Variants in PRKN observed in about 807,000 individuals in gnomAD.
PRKN encodes the protein E3 ubiquitin-protein ligase parkin.
A neutral mutation model predicts 59.5 loss-of-function variants in PRKN; 56 were observed. The ratio of observed to expected loss-of-function variants is 0.94; its 90% CI spans 0.76 to 1.18. PRKN has a LOEUF of 1.18. PRKN is among the 50% of genes most tolerant of loss of function. PRKN has a pLI of 0.00. For missense variants in PRKN, 657 were observed against 596.4 expected (o/e 1.10, Z -1.06); for synonymous variants, 250 against 222.1 (o/e 1.13, Z -1.12).
chr6:161,786,313 T>C (rs1790417998), intron 6 of PRKN, among the ~76,000 whole-genome samples: 1 of 152,170 alleles, frequency 6.6e-6, no homozygotes, highest in Admixed American at 6.5e-5. Context: ...TCATAGACTG[T>C]GATCTCCTGG....
intron 6 of PRKN, among the ~76,000 whole-genome samples, chr6:161,919,419 T>C (rs1462073335): frequency 6.6e-6 from 1 of 152,178 alleles, no homozygotes; most frequent in Non-Finnish European, 1.5e-5. Flanking sequence ...TGAAACTGGA[T>C]TGTGATAACT....
chr6:162,438,496 T>C (rs1337727822), intron 2 of PRKN, among the ~76,000 whole-genome samples: 3 of 127,782 alleles, frequency 2.3e-5, no homozygotes, highest in Middle Eastern at 3.7e-3. Context: ...TTAGTTTTTC[T>C]TTATCTAAAA....
At chr6:162,511,352 T>C (rs1284097549) in intron 1 of PRKN, among the ~76,000 whole-genome samples, 2 of 152,142 alleles carry the variant, frequency 1.3e-5, no homozygotes, top group East Asian at 3.9e-4. Context: ...GATGTACATG[T>C]ACCATATTGC....
intron 9 of PRKN, among the ~76,000 whole-genome samples, chr6:161,539,523 A>T (rs1779542822): frequency 6.7e-6 from 1 of 149,528 alleles, no homozygotes; most frequent in African/African-American, 2.5e-5. Context: ...ACCTCAAAGA[A>T]ACACTTTGCC....
chr6:162,431,244 G>A (rs778468177), intron 2 of PRKN, among the ~76,000 whole-genome samples: 2 of 120,302 alleles, frequency 1.7e-5, no homozygotes, highest in Non-Finnish European at 3.4e-5. Flanking sequence ...TGAGCCTTGT[G>A]GTGAATGGAT....
chr6:161,615,719 A>G (rs1009869984), intron 7 of PRKN, among the ~76,000 whole-genome samples: 2 of 152,218 alleles, frequency 1.3e-5, no homozygotes, highest in Non-Finnish European at 2.9e-5. Flanking sequence ...CAGAATCTGC[A>G]GTGAGTTCCT....
At chr6:161,805,827 C>T (rs968599840) in intron 6 of PRKN, among the ~76,000 whole-genome samples, 3 of 152,120 alleles carry the variant, frequency 2.0e-5, no homozygotes, top group Non-Finnish European at 2.9e-5. Flanking sequence ...ATCTCAGCTC[C>T]ACCTTGAATA....
At chr6:162,566,107 A>G (rs1224221908) in intron 1 of PRKN, among the ~76,000 whole-genome samples, 1 of 152,148 alleles carries the variant, frequency 6.6e-6, no homozygotes, top group East Asian at 1.9e-4. Flanking sequence ...TATTAGAGCC[A>G]AAGAGAGAGA....
intron 1 of PRKN, among the ~76,000 whole-genome samples, chr6:162,695,882 G>A (rs1343719076): frequency 3.3e-5 from 5 of 152,146 alleles, no homozygotes; most frequent in South Asian, 2.1e-4. Context: ...TTTGGAGTCC[G>A]AGAAGCTAGA....
intron 2 of PRKN, among the ~76,000 whole-genome samples, chr6:162,390,874 A>C (rs922108371): frequency 6.6e-6 from 1 of 152,202 alleles, no homozygotes; most frequent in Admixed American, 6.5e-5. Flanking sequence ...ATCTATAAAA[A>C]CAGAAGTTAA....
rs956408217 is a variant in PRKN, at chr6:161,388,861, T to C, written c.1084-1984A>G. Among the ~76,000 whole-genome samples the C allele has an allele frequency of 5.3e-5, 8 of 152,250 alleles. No homozygotes were observed. The highest frequency in any genetic ancestry group is 1.0e-4 in the Non-Finnish European group (7 of 68,040). On this transcript the variant is annotated intron_variant, in intron 9 of 11. Coordinates refer to ENST00000366898, the MANE Select transcript of PRKN (RefSeq NM_004562.3). The surrounding 1 kb of genome is among the most constrained non-coding windows in gnomAD (Gnocchi z 4.3). ...ACAGCCAGCACCAACTTGCCAGCTA[T>C]GTGACTGGGTCATATTCCAAGTAGA...
At chr6:162,268,619 G>A (rs1223976896) in intron 2 of PRKN, among the ~76,000 whole-genome samples, 1 of 152,210 alleles carries the variant, frequency 6.6e-6, no homozygotes, top group Non-Finnish European at 1.5e-5. Context: ...ATTACTTATT[G>A]TGGTTGCTGT....
chr6:162,373,581 G>A (rs1213642285), intron 2 of PRKN, among the ~76,000 whole-genome samples: 1 of 151,904 alleles, frequency 6.6e-6, no homozygotes, highest in Non-Finnish European at 1.5e-5. Context: ...TTGGGATTTG[G>A]GAAAAAGAAA....
chr6:161,426,940 C>T (rs1347513817), intron 9 of PRKN, among the ~76,000 whole-genome samples: 2 of 151,994 alleles, frequency 1.3e-5, no homozygotes, highest in South Asian at 2.1e-4. Context: ...AGGATGGTCT[C>T]GATCTCCTGA....
At chr6:161,718,696 T>C (rs1416101515) in intron 7 of PRKN, among the ~76,000 whole-genome samples, 2 of 152,114 alleles carry the variant, frequency 1.3e-5, no homozygotes, top group East Asian at 1.9e-4. Flanking sequence ...AACCCTCTGA[T>C]GGCCTGATAC....
chr6:162,260,544 G>C (rs115605404), intron 3 of PRKN, among the ~76,000 whole-genome samples: 1,693 of 152,220 alleles, frequency 0.011, 32 homozygotes, highest in African/African-American at 0.038. Context: ...GAGAGAGAGA[G>C]AGTCAGTTGA....
At chr6:162,145,371 A>G (rs984241914) in intron 4 of PRKN, among the ~76,000 whole-genome samples, 1 of 152,170 alleles carries the variant, frequency 6.6e-6, no homozygotes, top group Non-Finnish European at 1.5e-5. Flanking sequence ...GTCTGGGGAA[A>G]TTGTTCTTTT....
chr6:161,971,696 A>G (rs1780814018), intron 6 of PRKN, among the ~76,000 whole-genome samples: 1 of 151,040 alleles, frequency 6.6e-6, no homozygotes, highest in African/African-American at 2.4e-5. Context: ...CTTCTTGGAA[A>G]CAGGTTTGTT....
At chr6:162,265,101 T>C (rs1254395713) in intron 2 of PRKN, 1 of 152,208 alleles carries the variant, frequency 6.6e-6, no homozygotes, top group Admixed American at 6.5e-5. Flanking sequence ...TCAGTATTAC[T>C]TGTAAAATGG....
Sources: allele counts gnomAD v4.1 joint callset (sites outside exome capture counted in the v4.1 genomes callset), GRCh38; gene constraint gnomAD v4.1.1; non-coding constraint Gnocchi (gnomAD v3.1); transcripts MANE v1.5; gene names NCBI Gene and HGNC (gene_info 2026-07-23, HGNC 2026-07-21).